DDX10: variants seen among roughly 807,000 people sequenced by gnomAD.
The protein encoded by DDX10 is probable ATP-dependent RNA helicase DDX10.
A neutral mutation model predicts 104.3 loss-of-function variants in DDX10; 74 were observed. The observed-to-expected ratio is 0.71, with a 90% CI of 0.59 to 0.86. The LOEUF is 0.86. DDX10 is among the 40% of genes least tolerant of loss of function. DDX10 has a pLI of 0.00. For missense variants in DDX10, 952 were observed against 1,040.0 expected (o/e 0.92, Z 1.16); for synonymous variants, 351 against 353.4 (o/e 0.99, Z 0.08).
chr11:108,865,398 T>C (rs1260251919), intron 16 of DDX10, among the ~76,000 whole-genome samples: 3 of 152,188 alleles, frequency 2.0e-5, no homozygotes, highest in African/African-American at 7.2e-5. Flanking sequence ...GTCATTTTTA[T>C]ATGCTTTCTA....
chr11:108,836,853 G>T (rs1402695164), intron 13 of DDX10, among the ~76,000 whole-genome samples: 2 of 152,056 alleles, frequency 1.3e-5, no homozygotes, highest in African/African-American at 2.4e-5. Flanking sequence ...TAAATGATTT[G>T]CTCTTTTTTG....
intron 13 of DDX10, among the ~76,000 whole-genome samples, chr11:108,762,086 G>A (rs775984600): frequency 9.9e-5 from 15 of 152,044 alleles, no homozygotes; most frequent in Non-Finnish European, 2.9e-5. Context: ...GCTGACAGGA[G>A]GAGGTTGAAC....
chr11:108,898,274 C>T (rs1863466882), intron 16 of DDX10, among the ~76,000 whole-genome samples: 1 of 151,882 alleles, frequency 6.6e-6, no homozygotes, highest in Non-Finnish European at 1.5e-5. Context: ...TGACAAAAGC[C>T]CGCTATGGAT....
At chr11:108,905,613 T>A (rs1278591407) in intron 16 of DDX10, among the ~76,000 whole-genome samples, 1 of 152,208 alleles carries the variant, frequency 6.6e-6, no homozygotes, top group African/African-American at 2.4e-5. Context: ...CTATTTTTTG[T>A]AGCGATGTGT....
At chr11:108,732,020 T>G (rs2094312915) in intron 13 of DDX10, among the ~76,000 whole-genome samples, 2 of 152,222 alleles carry the variant, frequency 1.3e-5, no homozygotes, top group Non-Finnish European at 2.9e-5. Flanking sequence ...TAACTTATCC[T>G]CTTTATCTTG....
At chr11:108,736,531 A>G (rs2094318629) in intron 13 of DDX10, among the ~76,000 whole-genome samples, 1 of 152,114 alleles carries the variant, frequency 6.6e-6, no homozygotes, top group Non-Finnish European at 1.5e-5. Flanking sequence ...CATCTCCTCC[A>G]AAATTTGAAT....
intron 13 of DDX10, among the ~76,000 whole-genome samples, chr11:108,761,084 T>C (rs1434859097): frequency 6.6e-6 from 1 of 152,090 alleles, no homozygotes; most frequent in Non-Finnish European, 1.5e-5. Flanking sequence ...ATGAAAATAA[T>C]TTTCGAGTTC....
intron 13 of DDX10, among the ~76,000 whole-genome samples, chr11:108,815,987 G>C (rs1049081622): frequency 2.0e-5 from 3 of 151,520 alleles, no homozygotes; most frequent in South Asian, 4.2e-4. Context: ...TTCTTGCTAT[G>C]GTCTGGAACA....
At chr11:108,909,923 G>C (rs1487156023) in intron 16 of DDX10, among the ~76,000 whole-genome samples, 1 of 152,218 alleles carries the variant, frequency 6.6e-6, no homozygotes, top group Non-Finnish European at 1.5e-5. Context: ...GCCGGTATCT[G>C]AAAGAACGTG....
At position 108,675,703 on chromosome 11, in the gene DDX10, A is replaced by T; in HGVS notation, c.355A>T (p.Lys119Ter). The T allele has an allele frequency of 6.2e-7, 1 of 1,614,202 alleles. No homozygotes were observed. Among genetic ancestry groups the T allele is most frequent in the South Asian group, 1.1e-5 (1 of 91,084 alleles). The change falls in exon 3 of 18, where the codon AAG (lysine) becomes TAG (stop). Residue 119 changes from lysine to a stop codon, truncating the protein, a stop_gained. Coordinates refer to ENST00000322536, the MANE Select transcript of DDX10 (RefSeq NM_004398.4). LOFTEE classifies it high-confidence loss of function. ...VLGAAKTGSG[K>*]TLAFLVPVLE... is the part of the protein sequence containing the mutation. ...TGGAGCGGCCAAAACTGGATCTGGC[A>T]AGACTCTGGCTTTTCTTGTTCCAGT... is the stretch of plus-strand genomic sequence containing the variant.
intron 17 of DDX10, among the ~76,000 whole-genome samples, chr11:108,923,363 A>C (rs534167798): frequency 6.6e-6 from 1 of 152,352 alleles, no homozygotes; most frequent in Admixed American, 6.5e-5. Context: ...TAGTCCATAC[A>C]ATAAAGTTAC....
intron 13 of DDX10, among the ~76,000 whole-genome samples, chr11:108,743,717 C>T (rs1156624384): frequency 1.3e-5 from 2 of 152,032 alleles, no homozygotes; most frequent in Admixed American, 6.6e-5. Flanking sequence ...ATTACCATTG[C>T]CAGAAGACTT....
Position 108,673,622 on chromosome 11 carries a change from T to C in DDX10, c.247+95T>C, listed in dbSNP as rs1049023775. ...AGAGGGTTTAGCCTGAAAAATCTTA[T>C]TTTGGCAAATTTTGATATCATGAAA... On this transcript the variant is annotated intron_variant, in intron 2 of 17. Coordinates refer to ENST00000322536, the MANE Select transcript of DDX10 (RefSeq NM_004398.4). 9.5e-6 allele frequency: 8 copies of C among 839,806 alleles called. No individual in the cohort carries two copies. The East Asian group carries it at 1.3e-4, about 14-fold the overall frequency. The allele number at this position is 839,806 out of a possible 1,614,324, so 52.0% of individuals were successfully genotyped here.
chr11:108,702,829 G>C (rs1216036768), intron 9 of DDX10, among the ~76,000 whole-genome samples: 1 of 152,172 alleles, frequency 6.6e-6, no homozygotes, highest in Non-Finnish European at 1.5e-5. Flanking sequence ...TAAAGTCTCT[G>C]ATATTAGTAA....
At chr11:108,799,160 A>G (rs1030165310) in intron 13 of DDX10, among the ~76,000 whole-genome samples, 11 of 152,114 alleles carry the variant, frequency 7.2e-5, no homozygotes, top group Non-Finnish European at 1.3e-4. Flanking sequence ...CTTTAGGAGA[A>G]CTCTGATCAC....
chr11:108,930,159 T>C (rs2134674702), intron 17 of DDX10, among the ~76,000 whole-genome samples: 1 of 152,364 alleles, frequency 6.6e-6, no homozygotes, highest in Non-Finnish European at 1.5e-5. Flanking sequence ...TCCACCTATC[T>C]ATCCTTCTCT....
chr11:108,844,311 T>A (rs1862682663), intron 15 of DDX10, among the ~76,000 whole-genome samples: 1 of 152,246 alleles, frequency 6.6e-6, no homozygotes, highest in Admixed American at 6.5e-5. Flanking sequence ...TCTATTCGAC[T>A]GATATAAATG....
At chr11:108,852,849 C>T (rs1478477699) in intron 16 of DDX10, among the ~76,000 whole-genome samples, 2 of 152,108 alleles carry the variant, frequency 1.3e-5, no homozygotes, top group East Asian at 3.9e-4. Context: ...AAATGATTTC[C>T]TAGAACTAGG....
rs2094242951 is a variant in DDX10 at position 108,685,673 on chromosome 11, TAA to T, written c.849-3260_849-3259del. ...AAGCTTTACAGTGGACAGGCCTTTTTAAAAGAGTTCATGCTGATAATTACAAA... is the reference window on the plus strand; with the variant it reads ...AAGCTTTACAGTGGACAGGCCTTTTTAAGAGTTCATGCTGATAATTACAAA... On this transcript the variant is annotated intron_variant, in intron 6 of 17. Coordinates refer to ENST00000322536, the MANE Select transcript of DDX10 (RefSeq NM_004398.4). Among the ~76,000 whole-genome samples the T allele has an allele frequency of 2.0e-5, 3 of 152,246 alleles. 1 individual carries two copies. In the South Asian group the frequency reaches 6.2e-4, roughly 32 times the overall value.
Sources: gnomAD v4.1 joint callset for allele counts (sites outside exome capture counted in the v4.1 genomes callset) on GRCh38, gnomAD v4.1.1 for gene constraint, MANE v1.5 for transcripts, NCBI Gene and HGNC (gene_info 2026-07-23, HGNC 2026-07-21) for gene names.